The following ADGRL2 variants were observed in gnomAD, a reference collection of about 807,000 sequenced individuals.
ADGRL2 encodes the protein calcium-independent alpha-latrotoxin receptor 2.
In ADGRL2, 44 loss-of-function variants were observed where a neutral mutation model predicts 157.4. That is an observed-to-expected ratio of 0.28 (90% confidence interval 0.22 to 0.36). The LOEUF is 0.36. ADGRL2 is among the 10% of genes least tolerant of loss of function. The pLI, the probability that ADGRL2 is intolerant of heterozygous loss-of-function variation, is 1.00. For missense variants in ADGRL2, 1,510 were observed against 1,768.9 expected (o/e 0.85, Z 2.63); for synonymous variants, 585 against 624.7 (o/e 0.94, Z 0.95).
intron 3 of ADGRL2, among the ~76,000 whole-genome samples, chr1:81,934,043 A>G (rs190457846): frequency 6.6e-6 from 1 of 152,096 alleles, no homozygotes; most frequent in Non-Finnish European, 1.5e-5. Flanking sequence ...CCTGAATTCT[A>G]GAATTTTTTA....
chr1:81,896,179 C>A (rs2094384527), intron 2 of ADGRL2, among the ~76,000 whole-genome samples: 1 of 152,014 alleles, frequency 6.6e-6, no homozygotes, highest in African/African-American at 2.4e-5. Flanking sequence ...TTGCTAGTTT[C>A]TTTGTTGACA....
intron 1 of ADGRL2, among the ~76,000 whole-genome samples, chr1:81,802,415 C>T (rs12759035): frequency 6.6e-6 from 1 of 152,116 alleles, no homozygotes; most frequent in East Asian, 2.0e-4. Context: ...CTCCCTCCCC[C>T]CAATCTCCTC....
chr1:81,333,836 A>C (rs541482084), intron 1 of ADGRL2, among the ~76,000 whole-genome samples: 1 of 152,070 alleles, frequency 6.6e-6, no homozygotes, highest in East Asian at 1.9e-4. Flanking sequence ...GTCCACAATT[A>C]TTACTGTAAT....
At chr1:81,700,001 C>T (rs771986580) in intron 1 of ADGRL2, among the ~76,000 whole-genome samples, 1 of 152,080 alleles carries the variant, frequency 6.6e-6, no homozygotes, top group Admixed American at 6.6e-5. Context: ...CAATAGCTGT[C>T]GGTACAGTTT....
At chr1:81,714,140 C>T (rs1281506869) in intron 1 of ADGRL2, among the ~76,000 whole-genome samples, 1 of 152,086 alleles carries the variant, frequency 6.6e-6, no homozygotes, top group African/African-American at 2.4e-5. Context: ...CCACCAGGTC[C>T]CTCCCATGAC....
In ADGRL2 at chr1:81,422,232, T is replaced by A. The variant is rs889085670; in HGVS notation, c.-301-22804T>A. 2.2e-4 allele frequency among the ~76,000 whole-genome samples: 33 copies of A among 152,276 alleles called. 1 individual carries two copies. Among genetic ancestry groups the A allele is most frequent in the African/African-American group, 7.9e-4 (33 of 41,570 alleles). ...TATATTATTTTAAGAGGTATAAAGA[T>A]GCATTTTATCATACAAACAATTTTT... is the stretch of plus-strand genomic sequence containing the variant. On this transcript the variant is annotated intron_variant, in intron 1 of 24. Coordinates refer to the ADGRL2 transcript ENST00000370721.
intron 1 of ADGRL2, among the ~76,000 whole-genome samples, chr1:81,803,026 C>T (rs2088522547): frequency 1.3e-5 from 2 of 152,016 alleles, no homozygotes; most frequent in African/African-American, 4.8e-5. Flanking sequence ...CTCCCGGAGC[C>T]GCAGTGAGAG....
intron 1 of ADGRL2, among the ~76,000 whole-genome samples, chr1:81,753,209 C>A (rs1158813056): frequency 6.6e-6 from 1 of 152,170 alleles, no homozygotes; most frequent in Non-Finnish European, 1.5e-5. Context: ...CTCACAGTTC[C>A]ACGTGGCTGG....
At chr1:81,862,707 T>C (rs2093425138) in intron 2 of ADGRL2, among the ~76,000 whole-genome samples, 1 of 152,188 alleles carries the variant, frequency 6.6e-6, no homozygotes, top group Admixed American at 6.5e-5. Flanking sequence ...TTTAGTTTTT[T>C]TGTAGTACTT....
intron 1 of ADGRL2, among the ~76,000 whole-genome samples, chr1:81,433,026 A>C (rs2077349406): frequency 6.6e-6 from 1 of 152,120 alleles, no homozygotes; most frequent in Non-Finnish European, 1.5e-5. Flanking sequence ...TAAGGAAGGA[A>C]CATCTGGCTG....
intron 21 of ADGRL2, 105 bp downstream of exon 21, chr1:81,985,460 C>T: frequency 1.7e-6 from 1 of 577,218 alleles, no homozygotes; most frequent in Admixed American, 3.1e-5. Context: ...ACTGCATTAA[C>T]AGGATGCGGC....
At chr1:81,646,122 C>A (rs900615794) in intron 3 of ADGRL2, among the ~76,000 whole-genome samples, 8 of 152,076 alleles carry the variant, frequency 5.3e-5, no homozygotes, top group African/African-American at 1.9e-4. Context: ...GCCTCATGAC[C>A]TTTGTGGGGT....
chr1:81,462,112 A>G (rs1033163882), intron 2 of ADGRL2, among the ~76,000 whole-genome samples: 1 of 152,172 alleles, frequency 6.6e-6, no homozygotes, highest in Non-Finnish European at 1.5e-5. Flanking sequence ...AAACACACCA[A>G]TCAGCATTCT....
intron 1 of ADGRL2, among the ~76,000 whole-genome samples, chr1:81,809,656 A>G (rs2089609623): frequency 6.6e-6 from 1 of 151,928 alleles, no homozygotes; most frequent in Non-Finnish European, 1.5e-5. Flanking sequence ...TAATTTTGCT[A>G]TTTTCAATTG....
At chr1:81,334,109 C>T (rs2100716605) in intron 1 of ADGRL2, among the ~76,000 whole-genome samples, 1 of 152,296 alleles carries the variant, frequency 6.6e-6, no homozygotes, top group Middle Eastern at 3.4e-3. Context: ...TAGACCAACA[C>T]AGGACTTTTC....
intron 2 of ADGRL2, among the ~76,000 whole-genome samples, chr1:81,557,999 AT>A (rs1163646624): frequency 6.6e-6 from 1 of 152,198 alleles, no homozygotes; most frequent in East Asian, 1.9e-4. Context: ...TTATACGGTA[AT>A]GAAATCGCCT....
chr1:81,879,345 A>C (rs1350055192), intron 2 of ADGRL2, among the ~76,000 whole-genome samples: 1 of 152,256 alleles, frequency 6.6e-6, no homozygotes, highest in Admixed American at 6.5e-5. Flanking sequence ...TCACAGTTTA[A>C]ATTATTTGTT....
chr1:81,961,373 G>A (rs1316557792), intron 11 of ADGRL2, among the ~76,000 whole-genome samples: 1 of 152,038 alleles, frequency 6.6e-6, no homozygotes, highest in Non-Finnish European at 1.5e-5. Flanking sequence ...TTCATATCAT[G>A]AATGAGGTAG....
chr1:81,817,800 G>A (rs12410950), intron 1 of ADGRL2, among the ~76,000 whole-genome samples: 34,533 of 151,798 alleles, frequency 0.23, 5,220 homozygotes, highest in East Asian at 0.67. Context: ...AATTTTTACC[G>A]TTATCTACCT....
Sources: allele counts gnomAD v4.1 joint callset (sites outside exome capture counted in the v4.1 genomes callset), GRCh38; gene constraint gnomAD v4.1.1; transcripts MANE v1.5; gene names NCBI Gene and HGNC (gene_info 2026-07-23, HGNC 2026-07-21).